The following ASTN2 variants were observed in gnomAD, a reference collection of about 807,000 sequenced individuals.
ASTN2 encodes the protein astrotactin 2, also known as astrotactin-2.
A neutral mutation model predicts 139.8 loss-of-function variants in ASTN2; 54 were observed. The observed-to-expected ratio is 0.39, with a 90% CI of 0.31 to 0.48. The LOEUF (loss-of-function observed/expected upper bound fraction) is 0.48. Ranked by LOEUF, ASTN2 falls within the 20% of genes least tolerant of loss-of-function variation. ASTN2 has a pLI of 0.95. For missense variants in ASTN2, 1,565 were observed against 1,725.1 expected (o/e 0.91, Z 1.64); for synonymous variants, 756 against 719.5 (o/e 1.05, Z -0.81).
chr9:117,064,619 T>C (rs936397763), intron 5 of ASTN2, among the ~76,000 whole-genome samples: 1 of 152,042 alleles, frequency 6.6e-6, no homozygotes, highest in Non-Finnish European at 1.5e-5. Flanking sequence ...CATGGACATA[T>C]AGAGTGGAAT....
intron 10 of ASTN2, among the ~76,000 whole-genome samples, chr9:116,866,495 G>A (rs1169488785): frequency 6.6e-6 from 1 of 152,186 alleles, no homozygotes; most frequent in Non-Finnish European, 1.5e-5. Context: ...GCTCTGGGGA[G>A]ACTTGCCACT....
At chr9:117,111,944 T>A (rs899476753) in intron 4 of ASTN2, among the ~76,000 whole-genome samples, 1 of 152,024 alleles carries the variant, frequency 6.6e-6, no homozygotes, top group Non-Finnish European at 1.5e-5. Context: ...TTTAGCATGA[T>A]TGAAATATAA....
At position 117,065,589 on chromosome 9, in the gene ASTN2, T is replaced by C. The variant is rs543882590; in HGVS notation, c.1277-25624A>G. On this transcript the variant is annotated intron_variant, in intron 5 of 22. Coordinates refer to ENST00000313400, the MANE Select transcript of ASTN2 (RefSeq NM_001365068.1). Reference sequence around the variant, plus strand: ...TAGAGTTTGCCTGGAGTGTAGACCATCTGTGACTCAGTTCAGAGTACTAGA... The same window carrying C: ...TAGAGTTTGCCTGGAGTGTAGACCACCTGTGACTCAGTTCAGAGTACTAGA... Among the ~76,000 whole-genome samples the C allele has an allele frequency of 2.7e-3, 408 of 152,318 alleles. 3 individuals carry two copies. The highest frequency in any genetic ancestry group is 9.3e-3 in the African/African-American group (388 of 41,572).
At chr9:117,104,908 C>T (rs574595772) in intron 4 of ASTN2, among the ~76,000 whole-genome samples, 1 of 152,036 alleles carries the variant, frequency 6.6e-6, no homozygotes, top group Non-Finnish European at 1.5e-5. Flanking sequence ...TTCCATCACC[C>T]AAGAAAGGAA....
chr9:117,181,144 C>T (rs2132945948), intron 3 of ASTN2: 2 of 779,988 alleles, frequency 2.6e-6, no homozygotes, highest in Non-Finnish European at 4.5e-6. Context: ...CTGTTTGCAG[C>T]CATTGCACAA....
intron 1 of ASTN2, among the ~76,000 whole-genome samples, chr9:117,370,206 G>C (rs933652388): frequency 6.6e-6 from 1 of 152,126 alleles, no homozygotes; most frequent in Non-Finnish European, 1.5e-5. Context: ...AGGGAATTTG[G>C]TTCAGTGCTT....
chr9:116,456,228 G>C (rs1399893100), intron 20 of ASTN2, among the ~76,000 whole-genome samples: 1 of 151,682 alleles, frequency 6.6e-6, no homozygotes, highest in East Asian at 1.9e-4. Flanking sequence ...ATAATGAACA[G>C]TCTGAAAAAG....
At chr9:117,106,885 A>G (rs529150482) in intron 4 of ASTN2, among the ~76,000 whole-genome samples, 30 of 152,116 alleles carry the variant, frequency 2.0e-4, no homozygotes, top group Non-Finnish European at 4.3e-4. Flanking sequence ...TTTTTCTATT[A>G]TGTAATTTAC....
At chr9:116,445,219 C>T (rs982555898) in intron 20 of ASTN2, among the ~76,000 whole-genome samples, 4 of 152,110 alleles carry the variant, frequency 2.6e-5, no homozygotes, top group Non-Finnish European at 5.9e-5. Context: ...TTAGTTTCTC[C>T]ATCAATAAAA....
At chr9:116,533,830 G>A (rs1166347501) in intron 19 of ASTN2, among the ~76,000 whole-genome samples, 1 of 152,008 alleles carries the variant, frequency 6.6e-6, no homozygotes, top group Non-Finnish European at 1.5e-5. Context: ...CTCTTTTTTT[G>A]TTGTGTCTCT....
intron 19 of ASTN2, among the ~76,000 whole-genome samples, chr9:116,542,612 C>T (rs553881404): frequency 1.1e-3 from 170 of 152,262 alleles, no homozygotes; most frequent in Non-Finnish European, 2.0e-3. Flanking sequence ...TCCCATCCAT[C>T]AAAATGTTGT....
At chr9:117,032,873 C>T (rs957716691) in intron 6 of ASTN2, among the ~76,000 whole-genome samples, 1 of 152,162 alleles carries the variant, frequency 6.6e-6, no homozygotes, top group South Asian at 2.1e-4. Context: ...ATATCTCAGT[C>T]ATAGGGAACA....
chr9:117,131,423 A>G (rs1301350902), intron 4 of ASTN2, among the ~76,000 whole-genome samples: 3 of 152,174 alleles, frequency 2.0e-5, no homozygotes, highest in African/African-American at 4.8e-5. Flanking sequence ...GGAAATCAAA[A>G]TATTTTACCC....
intron 7 of ASTN2, among the ~76,000 whole-genome samples, chr9:116,999,555 T>C (rs1288352854): frequency 0.037 from 2,340 of 62,882 alleles, 99 homozygotes; most frequent in East Asian, 0.15. Flanking sequence ...TTTCTTTTTT[T>C]TTTTTTTTTT....
chr9:117,031,131 G>A (rs1017182173), intron 6 of ASTN2, among the ~76,000 whole-genome samples: 1 of 152,108 alleles, frequency 6.6e-6, no homozygotes, highest in Admixed American at 6.6e-5. Flanking sequence ...TTGGTGTTGA[G>A]GAGGGGTGTG....
intron 20 of ASTN2, among the ~76,000 whole-genome samples, chr9:116,482,065 G>A (rs1849186686): frequency 6.6e-6 from 1 of 152,198 alleles, no homozygotes; most frequent in Non-Finnish European, 1.5e-5. Flanking sequence ...AGTGGCTCAC[G>A]CCTGTAATCC....
rs111473982 is a variant in ASTN2, at chr9:116,993,160, G to T, written c.1591+14932C>A. ...AATGCTAATGTTTTTACAATGTTCT[G>T]CAAGGCCAACCCAGGGGTTCTGGCC... On this transcript the variant is annotated intron_variant, in intron 7 of 22. Coordinates refer to ENST00000313400, the MANE Select transcript of ASTN2 (RefSeq NM_001365068.1). Among the ~76,000 whole-genome samples the T allele has an allele frequency of 6.3e-3, 963 of 152,222 alleles. 8 individuals carry two copies. Among genetic ancestry groups the T allele is most frequent in the African/African-American group, 0.022 (927 of 41,516 alleles).
At chr9:116,455,995 A>G (rs771672102) in intron 20 of ASTN2, among the ~76,000 whole-genome samples, 4 of 152,166 alleles carry the variant, frequency 2.6e-5, no homozygotes, top group Admixed American at 6.5e-5. Flanking sequence ...GTTACTCAAC[A>G]TAGTACTAGA....
intron 3 of ASTN2, among the ~76,000 whole-genome samples, chr9:117,202,719 G>C (rs1392990726): frequency 6.6e-6 from 1 of 152,170 alleles, no homozygotes; most frequent in Non-Finnish European, 1.5e-5. Context: ...ATTCTGATGG[G>C]CTTCCCTTTG....
Sources: allele counts gnomAD v4.1 joint callset (sites outside exome capture counted in the v4.1 genomes callset), GRCh38; gene constraint gnomAD v4.1.1; transcripts MANE v1.5; gene names NCBI Gene and HGNC (gene_info 2026-07-23, HGNC 2026-07-21).